SCRN1: variants seen among roughly 807,000 people sequenced by gnomAD.
SCRN1 encodes the protein secernin 1.
In SCRN1, 19 loss-of-function variants were observed where a neutral mutation model predicts 43.3. The ratio of observed to expected loss-of-function variants is 0.44; its 90% CI spans 0.31 to 0.64. The LOEUF is 0.64. Among genes scored for constraint, SCRN1 ranks in the 30% least tolerant of loss-of-function variants. SCRN1 has a pLI of 0.09. For synonymous variants in SCRN1, 183 were observed against 188.9 expected, an observed-to-expected ratio of 0.97 and a Z score of 0.26; for missense variants, 447 against 524.1, an observed-to-expected ratio of 0.85 and a Z score of 1.44.
At chr7:29,986,507 T>G (rs911708462) in intron 1 of SCRN1, among the ~76,000 whole-genome samples, 1 of 152,090 alleles carries the variant, frequency 6.6e-6, no homozygotes, top group Non-Finnish European at 1.5e-5. Context: ...AATAGCCACA[T>G]GAGGCTGGTG....
rs1786848281 is a variant in SCRN1 at position 29,923,785 on chromosome 7, G to A, written c.*172C>T. 5.7e-6 allele frequency: 4 copies of A among 703,520 alleles called. No homozygotes were observed. The highest frequency in any genetic ancestry group is 1.8e-5 in the African/African-American group (1 of 56,462). 43.6% of individuals were successfully genotyped at this position (703,520 alleles called of 1,614,324 possible). A position where few individuals can be genotyped will look rare whatever the true frequency, so the allele number is the denominator to read the frequency against. On this transcript the variant is annotated 3_prime_UTR_variant, in exon 8 of 8. Coordinates refer to ENST00000242059, the MANE Select transcript of SCRN1 (RefSeq NM_014766.5). ...CAGGAAGGAGACCTACATTGCAGAA[G>A]GGGACGCTGTGAGATTCAAGGTGGA...
chr7:29,954,755 A>G (rs1788072963), intron 3 of SCRN1, among the ~76,000 whole-genome samples: 1 of 152,162 alleles, frequency 6.6e-6, no homozygotes, highest in Non-Finnish European at 1.5e-5. Flanking sequence ...ATCTCGGCTC[A>G]CTGCAACCTC....
intron 1 of SCRN1, among the ~76,000 whole-genome samples, chr7:29,976,857 T>G (rs1414658160): frequency 6.6e-6 from 1 of 152,212 alleles, no homozygotes; most frequent in Non-Finnish European, 1.5e-5. Flanking sequence ...AGGCCCAAGT[T>G]CAGGCTTGAG....
chr7:29,965,475 T>C lies in SCRN1; in HGVS notation c.159+3434A>G, dbSNP rs1362541710. 2.0e-5 allele frequency among the ~76,000 whole-genome samples: 3 copies of C among 151,994 alleles called. No individual in the cohort carries two copies. Among genetic ancestry groups the C allele is most frequent in the Non-Finnish European group, 4.4e-5 (3 of 67,994 alleles). On this transcript the variant is annotated intron_variant, in intron 2 of 7. Coordinates refer to ENST00000242059, the MANE Select transcript of SCRN1 (RefSeq NM_014766.5). The surrounding 1 kb of genome is among the most constrained non-coding windows in gnomAD (Gnocchi z 4.2). ...ACTCAGTGACAGCTGTCCCTGTGCA[T>C]TGGGGATGGGGGAAGTGAGGGTCGA...
In SCRN1 at chr7:29,965,991, A is replaced by G. The variant is rs1475957203; in HGVS notation, c.159+2918T>C. Among the ~76,000 whole-genome samples, 1 of 152,128 alleles carries G rather than the reference A, an allele frequency of 6.6e-6. No individual in the cohort carries two copies. Among genetic ancestry groups the G allele is most frequent in the Non-Finnish European group, 1.5e-5 (1 of 68,016 alleles). ...TTACCCCAAAATTTAGTGGTGTAAAACAACTTTTTTAATGCTCATGGATTT... is the reference window on the plus strand; with the variant it reads ...TTACCCCAAAATTTAGTGGTGTAAAGCAACTTTTTTAATGCTCATGGATTT... On this transcript the variant is annotated intron_variant, in intron 2 of 7. Transcript: ENST00000242059. The surrounding 1 kb of genome is among the most constrained non-coding windows in gnomAD (Gnocchi z 4.2).
At chr7:29,959,297 G>A (rs1788232211) in intron 2 of SCRN1, among the ~76,000 whole-genome samples, 2 of 152,338 alleles carry the variant, frequency 1.3e-5, no homozygotes, top group Admixed American at 6.5e-5. Context: ...GGTGGGAGAA[G>A]ATGGCAAAGA....
At chr7:29,925,775 G>A (rs1405776734) in intron 7 of SCRN1, among the ~76,000 whole-genome samples, 1 of 148,614 alleles carries the variant, frequency 6.7e-6, no homozygotes, top group Non-Finnish European at 1.5e-5. Flanking sequence ...TTGGGAGGCA[G>A]AAGCAGGTGG....
At chr7:29,964,969 T>TATAC (rs1352972445) in intron 2 of SCRN1, among the ~76,000 whole-genome samples, 4 of 151,742 alleles carry the variant, frequency 2.6e-5, no homozygotes, top group African/African-American at 9.7e-5. Context: ...TATATATATA[T>TATAC]ACTGTGTCAA....
rs563763444 is a variant in SCRN1, at chr7:29,940,785, A to G, written c.636T>C (p.Gly212=). ...TGAACTCGCCCTCTCCCGTCCACCA[A>G]CCTTGGCTCTGAGCGTAACTCCTGA... ...PELRSYAQSQ[G]WWTGEGEFNF... is the part of the protein sequence containing the mutation. The change falls in exon 5 of 8, where the codon GGT becomes GGC. Residue 212 remains glycine (G), a synonymous_variant. Coordinates refer to ENST00000242059, the MANE Select transcript of SCRN1 (RefSeq NM_014766.5). 14 of 1,609,196 alleles carry G rather than the reference A, an allele frequency of 8.7e-6. No individual in the cohort carries two copies. Among genetic ancestry groups the G allele is most frequent in the East Asian group, 4.5e-5 (2 of 44,448 alleles).
intron 6 of SCRN1, among the ~76,000 whole-genome samples, chr7:29,929,324 C>T (rs1787079853): frequency 6.6e-6 from 1 of 152,242 alleles, no homozygotes. Context: ...AGGCTCAACA[C>T]CTGGCAGGCA....
At position 29,922,153 on chromosome 7, in the gene SCRN1, A is replaced by G. The variant is rs1052818045; in HGVS notation, c.*1804T>C. 1 of 152,182 alleles carries G rather than the reference A, an allele frequency of 6.6e-6. No individual in the cohort carries two copies. The highest frequency in any genetic ancestry group is 1.5e-5 in the Non-Finnish European group (1 of 68,024). 9.4% of individuals were successfully genotyped at this position (152,182 alleles called of 1,614,324 possible). On this transcript the variant is annotated 3_prime_UTR_variant, in exon 8 of 8. Coordinates refer to ENST00000242059, the MANE Select transcript of SCRN1 (RefSeq NM_014766.5). ...CAGGCCAAACCTGCGTGAAGCTCTTAGCAGCTACAGGCCACCATTATTGGT... is the reference window on the plus strand; with the variant it reads ...CAGGCCAAACCTGCGTGAAGCTCTTGGCAGCTACAGGCCACCATTATTGGT...
chr7:29,976,380 A>AAACT (rs1788839046), intron 1 of SCRN1, among the ~76,000 whole-genome samples: 1 of 152,212 alleles, frequency 6.6e-6, no homozygotes, highest in Non-Finnish European at 1.5e-5. Context: ...TAGAATAGTA[A>AAACT]AACTCATAGA....
At chr7:29,974,681 C>CT (rs754103658) in intron 1 of SCRN1, among the ~76,000 whole-genome samples, 16,192 of 140,138 alleles carry the variant, frequency 0.12, 976 homozygotes, top group Middle Eastern at 0.13. Context: ...TTCTTTCTTT[C>CT]TTTCTTTTTT....
rs1040649357 is a variant in SCRN1, at chr7:29,950,760, G to A, written c.341+4419C>T. On this transcript the variant is annotated intron_variant, in intron 3 of 7. Coordinates refer to ENST00000242059, the MANE Select transcript of SCRN1 (RefSeq NM_014766.5). The surrounding 1 kb of genome is among the most constrained non-coding windows in gnomAD (Gnocchi z 4.5). Reference sequence around the variant, plus strand: ...GATGACCTGCCTGCAGCAGAAGGGAGCTACCCACTACAGGTCTCCTCTCTG... The same window carrying A: ...GATGACCTGCCTGCAGCAGAAGGGAACTACCCACTACAGGTCTCCTCTCTG... 2.6e-5 allele frequency among the ~76,000 whole-genome samples: 4 copies of A among 152,206 alleles called. No individual in the cohort carries two copies. The highest frequency in any genetic ancestry group is 9.6e-5 in the African/African-American group (4 of 41,452).
Position 29,940,714 on chromosome 7 carries a change from C to T in SCRN1, c.707G>A (p.Gly236Asp), listed in dbSNP as rs371750124. 99 of 1,605,406 alleles carry T rather than the reference C, an allele frequency of 6.2e-5. No homozygotes were observed. The highest frequency in any genetic ancestry group is 7.6e-5 in the Non-Finnish European group (89 of 1,177,704). ...FSPVEDHLDCGAGKDSLEKQE... is the reference protein window; with the variant it reads ...FSPVEDHLDCDAGKDSLEKQE... ...TTTTTCTAAGCTGTCTTTGCCAGCA[C>T]CGCAGTCTAGATGATCCTCAACTGG... Residue 236 changes from glycine (G) to aspartate (D), a missense_variant, in exon 5 of 8, where the codon GGT (glycine) becomes GAT (aspartate). Coordinates refer to ENST00000242059, the MANE Select transcript of SCRN1 (RefSeq NM_014766.5).
rs1787519156 is a variant in SCRN1 at position 29,940,829 on chromosome 7, C to T, written c.592G>A (p.Asp198Asn). 1 of 1,599,596 alleles carries T rather than the reference C, an allele frequency of 6.3e-7. No individual in the cohort carries two copies. The change falls in exon 5 of 8, where the codon GAT becomes AAT. Residue 198 changes from aspartate (D) to asparagine (N), a missense_variant. Physicochemically the swap from Asp to Asn is conservative, Grantham distance 23. Coordinates refer to ENST00000242059, the MANE Select transcript of SCRN1 (RefSeq NM_014766.5). ...CSQLSLTTKM[D>N]AEHPELRSYA... ...CTCCTGAGTTCCGGATGCTCTGCAT[C>T]CATCTTAGTGGTGAGCGAAAGCTGA...
rs760081684 is a variant in SCRN1 at position 29,940,849 on chromosome 7, A to T, written c.572T>A (p.Leu191His). ...TEGVRCICSQ[L>H]SLTTKMDAEH... Reference sequence around the variant, plus strand: ...TGCATCCATCTTAGTGGTGAGCGAAAGCTGACTGCAAATGCACCTCACTCC... The same window carrying T: ...TGCATCCATCTTAGTGGTGAGCGAATGCTGACTGCAAATGCACCTCACTCC... The change falls in exon 5 of 8, where the codon CTT (leucine) becomes CAT (histidine). Residue 191 changes from leucine to histidine, a missense_variant. Coordinates refer to ENST00000242059, the MANE Select transcript of SCRN1 (RefSeq NM_014766.5). 31 of 1,558,716 alleles carry T rather than the reference A, an allele frequency of 2.0e-5. No individual in the cohort carries two copies. Among genetic ancestry groups the T allele is most frequent in the Admixed American group, 2.2e-5 (1 of 45,214 alleles).
At chr7:29,930,136 G>C (rs1787109580) in intron 6 of SCRN1, among the ~76,000 whole-genome samples, 1 of 152,024 alleles carries the variant, frequency 6.6e-6, no homozygotes, top group Non-Finnish European at 1.5e-5. Flanking sequence ...AATGTATTGA[G>C]GTGGTTAAAA....
chr7:29,959,406 TTA>T (rs1236948951), intron 2 of SCRN1, among the ~76,000 whole-genome samples: 2 of 152,162 alleles, frequency 1.3e-5, no homozygotes, highest in East Asian at 1.9e-4. Flanking sequence ...TTATTTAAAA[TTA>T]TATATGTGTG....
Sources: allele counts gnomAD v4.1 joint callset (sites outside exome capture counted in the v4.1 genomes callset), GRCh38; gene constraint gnomAD v4.1.1; non-coding constraint Gnocchi (gnomAD v3.1); transcripts MANE v1.5; gene names NCBI Gene and HGNC (gene_info 2026-07-23, HGNC 2026-07-21).